CCSER1: variants seen among roughly 807,000 people sequenced by gnomAD.
CCSER1 encodes the protein serine-rich coiled-coil domain-containing protein 1.
CCSER1 carries 41 observed loss-of-function variants against 82.0 expected under a neutral mutation model. The observed-to-expected ratio is 0.50, with a 90% confidence interval of 0.39 to 0.65. The LOEUF is 0.65. CCSER1 is among the 30% of genes least tolerant of loss of function. CCSER1 has a pLI of 0.00. For synonymous variants in CCSER1, 414 were observed against 383.9 expected, an observed-to-expected ratio of 1.08 and a Z score of -0.92; for missense variants, 1,119 against 1,064.2, an observed-to-expected ratio of 1.05 and a Z score of -0.72.
intron 1 of CCSER1, among the ~76,000 whole-genome samples, chr4:90,244,597 G>A (rs1721087569): frequency 1.3e-5 from 2 of 152,238 alleles, no homozygotes; most frequent in South Asian, 4.2e-4. Flanking sequence ...GAAGGGGAAG[G>A]GGAAGCAAGG....
At chr4:91,386,115 T>C (rs561260291) in intron 10 of CCSER1, among the ~76,000 whole-genome samples, 2 of 151,720 alleles carry the variant, frequency 1.3e-5, no homozygotes, top group South Asian at 2.1e-4. Flanking sequence ...GTTTTTTTTT[T>C]AAATACCATT....
chr4:91,450,079 G>A (rs1435148330), intron 10 of CCSER1, among the ~76,000 whole-genome samples: 1 of 150,450 alleles, frequency 6.6e-6, no homozygotes, highest in Non-Finnish European at 1.5e-5. Context: ...CACAGGGCAA[G>A]TTATATGCTG....
At chr4:91,529,289 C>G (rs1760913272) in intron 10 of CCSER1, among the ~76,000 whole-genome samples, 1 of 151,928 alleles carries the variant, frequency 6.6e-6, no homozygotes, top group Admixed American at 6.6e-5. Context: ...TTTTTGTTTG[C>G]TTGTTTTTAA....
chr4:90,275,446 T>G (rs1040363518), intron 1 of CCSER1, among the ~76,000 whole-genome samples: 7 of 152,186 alleles, frequency 4.6e-5, no homozygotes, highest in Non-Finnish European at 2.9e-5. Context: ...GTGATAATCG[T>G]AAGCCTAATT....
At chr4:91,358,690 A>ACT (rs1749035946) in intron 10 of CCSER1, among the ~76,000 whole-genome samples, 3 of 152,246 alleles carry the variant, frequency 2.0e-5, no homozygotes, top group South Asian at 4.1e-4. Context: ...TAGTCTTACC[A>ACT]AGTTTCAGAT....
chr4:90,289,935 T>G (rs996170309), intron 1 of CCSER1, among the ~76,000 whole-genome samples: 1 of 151,600 alleles, frequency 6.6e-6, no homozygotes, highest in African/African-American at 2.4e-5. Flanking sequence ...TACTGTAGAT[T>G]GCCCAAAGTT....
chr4:90,320,980 C>G (rs1049051810), intron 3 of CCSER1, among the ~76,000 whole-genome samples: 1 of 151,976 alleles, frequency 6.6e-6, no homozygotes, highest in African/African-American at 2.4e-5. Context: ...TATTTTGATA[C>G]AGGAATGCAA....
intron 5 of CCSER1, among the ~76,000 whole-genome samples, chr4:90,524,197 A>G (rs553054246): frequency 2.4e-4 from 36 of 152,324 alleles, no homozygotes; most frequent in Non-Finnish European, 2.8e-4. Flanking sequence ...TTCTTACTTT[A>G]TAAAGATACC....
intron 10 of CCSER1, among the ~76,000 whole-genome samples, chr4:91,491,243 A>C (rs1052725270): frequency 6.6e-6 from 1 of 151,948 alleles, no homozygotes; most frequent in African/African-American, 2.4e-5. Flanking sequence ...TGGTGCTTAC[A>C]TGTAATCTAG....
chr4:90,281,703 T>C (rs571066136), intron 1 of CCSER1, among the ~76,000 whole-genome samples: 36 of 152,156 alleles, frequency 2.4e-4, no homozygotes, highest in Admixed American at 8.5e-4. Flanking sequence ...TATTAGCTTT[T>C]TCTTTATGGT....
chr4:91,593,578 C>G (rs1764377182), intron 10 of CCSER1, among the ~76,000 whole-genome samples: 1 of 144,802 alleles, frequency 6.9e-6, no homozygotes. Flanking sequence ...TCCCAAAGTG[C>G]TGGGATTACA....
intron 7 of CCSER1, among the ~76,000 whole-genome samples, chr4:90,728,440 A>G (rs1025419691): frequency 6.6e-6 from 1 of 152,210 alleles, no homozygotes; most frequent in East Asian, 1.9e-4. Context: ...GTGTCTGAAG[A>G]TTCTTCTGCC....
intron 8 of CCSER1, among the ~76,000 whole-genome samples, chr4:90,871,973 C>T (rs1766569459): frequency 6.6e-6 from 1 of 151,588 alleles, no homozygotes; most frequent in African/African-American, 2.4e-5. Context: ...GTCTGATGTA[C>T]ATAGAGCTAC....
At chr4:90,517,273 G>C (rs1415466665) in intron 5 of CCSER1, among the ~76,000 whole-genome samples, 1 of 152,106 alleles carries the variant, frequency 6.6e-6, no homozygotes, top group Admixed American at 6.6e-5. Context: ...AGTGTGTATT[G>C]TTTTTGCTTT....
intron 10 of CCSER1, among the ~76,000 whole-genome samples, chr4:91,543,727 C>T (rs922800390): frequency 6.6e-6 from 1 of 152,148 alleles, no homozygotes; most frequent in African/African-American, 2.4e-5. Context: ...TCTGGCTGCC[C>T]TTAACATTTT....
chr4:91,530,531 T>A (rs551690861), intron 10 of CCSER1, among the ~76,000 whole-genome samples: 6 of 152,202 alleles, frequency 3.9e-5, no homozygotes, highest in Non-Finnish European at 8.8e-5. Flanking sequence ...ATATTAAAAA[T>A]TATGTAAAAA....
Position 90,278,608 on chromosome 4 carries a change from G to A in CCSER1, c.-41-29636G>A, listed in dbSNP as rs563345994. ...CAAATACTTCATGTTATTACTTACC[G>A]GTGAGAGTTTAACATTGGGCACACA... On this transcript the variant is annotated intron_variant, in intron 1 of 10. Transcript: ENST00000509176. 9.9e-5 allele frequency among the ~76,000 whole-genome samples: 15 copies of A among 151,872 alleles called. No homozygotes were observed. In the East Asian group the frequency reaches 1.8e-3, roughly 18 times the overall value.
At chr4:90,323,997 A>G (rs1029535098) in intron 3 of CCSER1, among the ~76,000 whole-genome samples, 1 of 151,788 alleles carries the variant, frequency 6.6e-6, no homozygotes, top group Admixed American at 6.6e-5. Context: ...AAGGACATGA[A>G]CTCATCATTG....
At chr4:90,938,519 T>C (rs1731222667) in intron 9 of CCSER1, among the ~76,000 whole-genome samples, 1 of 152,088 alleles carries the variant, frequency 6.6e-6, no homozygotes, top group African/African-American at 2.4e-5. Flanking sequence ...TTATAAATGT[T>C]AAGAGCAATT....
Sources: allele counts gnomAD v4.1 joint callset (sites outside exome capture counted in the v4.1 genomes callset), GRCh38; gene constraint gnomAD v4.1.1; transcripts MANE v1.5; gene names NCBI Gene and HGNC (gene_info 2026-07-23, HGNC 2026-07-21).